Variants in MED13L observed in about 807,000 individuals in gnomAD.
The protein encoded by MED13L is mediator of RNA polymerase II transcription subunit 13-like.
In MED13L, 7 loss-of-function variants were observed where a neutral mutation model predicts 220.9. The observed-to-expected ratio is 0.03, with a 90% CI of 0.02 to 0.06. MED13L has a LOEUF of 0.06. MED13L is among the 10% of genes least tolerant of loss of function. MED13L has a pLI of 1.00. For synonymous variants in MED13L, 1,011 were observed against 1,015.2 expected (o/e 1.00, Z 0.08); for missense variants, 1,965 against 2,760.5 (o/e 0.71, Z 6.46).
chr12:116,210,621 A>G (rs1188427816), intron 2 of MED13L, among the ~76,000 whole-genome samples: 2 of 147,652 alleles, frequency 1.4e-5, no homozygotes, highest in African/African-American at 5.0e-5. Context: ...AAATCCAACC[A>G]CATGCCTTCG....
chr12:116,231,749 G>A (rs1869578075), intron 2 of MED13L, among the ~76,000 whole-genome samples: 1 of 152,146 alleles, frequency 6.6e-6, no homozygotes. Flanking sequence ...CTTAAATGCT[G>A]AAGTATTTAG....
At chr12:115,966,955 T>C (rs1876208214) in intron 28 of MED13L, among the ~76,000 whole-genome samples, 1 of 152,060 alleles carries the variant, frequency 6.6e-6, no homozygotes, top group Non-Finnish European at 1.5e-5. Flanking sequence ...ACAGATCACT[T>C]GAGGTCAGAA....
At chr12:115,979,836 T>C (rs1877201421) in intron 23 of MED13L, among the ~76,000 whole-genome samples, 1 of 152,240 alleles carries the variant, frequency 6.6e-6, no homozygotes, top group South Asian at 2.1e-4. Flanking sequence ...ATCTTCAAGA[T>C]AAGGTGATTA....
intron 2 of MED13L, among the ~76,000 whole-genome samples, chr12:116,205,319 G>A (rs1449732383): frequency 3.3e-5 from 5 of 151,800 alleles, no homozygotes; most frequent in Admixed American, 6.6e-5. Flanking sequence ...TTTTCAAGTC[G>A]TGTTTTTTTT....
At chr12:116,025,442 AT>A (rs764595111) in intron 4 of MED13L, among the ~76,000 whole-genome samples, 38 of 152,330 alleles carry the variant, frequency 2.5e-4, no homozygotes, top group Non-Finnish European at 5.1e-4. Context: ...TTGCTTATTC[AT>A]TATTATTCAC....
intron 2 of MED13L, among the ~76,000 whole-genome samples, chr12:116,198,538 T>C (rs981316573): frequency 2.0e-5 from 3 of 152,190 alleles, no homozygotes; most frequent in Admixed American, 6.5e-5. Flanking sequence ...TAGATGTGCC[T>C]CTTCACTGAG....
chr12:116,190,697 G>C (rs1051747449), intron 2 of MED13L, among the ~76,000 whole-genome samples: 1 of 152,068 alleles, frequency 6.6e-6, no homozygotes, highest in African/African-American at 2.4e-5. Context: ...TATAAATTGT[G>C]ATGTACAAGT....
chr12:116,197,583 A>G (rs746934252), intron 2 of MED13L, among the ~76,000 whole-genome samples: 49 of 152,226 alleles, frequency 3.2e-4, no homozygotes, highest in African/African-American at 1.2e-3. Context: ...CCTGACCAAC[A>G]TGGAGAAACT....
chr12:116,111,833 T>G (rs1320446704), intron 2 of MED13L, among the ~76,000 whole-genome samples: 1 of 152,170 alleles, frequency 6.6e-6, no homozygotes, highest in Non-Finnish European at 1.5e-5. Flanking sequence ...TATTTAAGAG[T>G]ATCGCAAAGA....
At chr12:116,230,586 C>T in intron 2 of MED13L, 1 of 591,398 alleles carries the variant, frequency 1.7e-6, no homozygotes, top group Non-Finnish European at 2.1e-6. Context: ...CCAATTCAGT[C>T]AGGGATTAAT....
intron 23 of MED13L, among the ~76,000 whole-genome samples, chr12:115,978,325 T>TC (rs1392135218): frequency 1.3e-5 from 2 of 149,920 alleles, no homozygotes; most frequent in African/African-American, 4.9e-5. Context: ...CAATTTTTTT[T>TC]CTTTTTTTTT....
Position 116,007,450 on chromosome 12 carries a change from G to C in MED13L, c.2199C>G (p.Cys733Trp). The C allele has an allele frequency of 6.2e-7, 1 of 1,613,696 alleles. No individual in the cohort carries two copies. The highest frequency in any genetic ancestry group is 8.5e-7 in the Non-Finnish European group (1 of 1,179,760). The change falls in exon 11 of 31, where the codon TGC (cysteine) becomes TGG (tryptophan). Residue 733 changes from cysteine to tryptophan, a missense_variant. Cys to Trp is a radical substitution (Grantham distance 215). Coordinates refer to ENST00000281928, the MANE Select transcript of MED13L (RefSeq NM_015335.5). ...GGGAATCTTTCTCCGTCCCTTGTTT[G>C]CATTTCTTGTTGGCTGTAAAGATGT... ...IKYIFTANKKCKQGTEKDSLK... is the reference protein window; with the variant it reads ...IKYIFTANKKWKQGTEKDSLK...
chr12:115,980,064 A>C (rs545517079), intron 23 of MED13L, among the ~76,000 whole-genome samples: 1 of 152,344 alleles, frequency 6.6e-6, no homozygotes, highest in South Asian at 2.1e-4. Context: ...CAGAGTAAAC[A>C]CAACTACAAC....
At chr12:116,016,721 G>T (rs1394008274) in intron 7 of MED13L, among the ~76,000 whole-genome samples, 2 of 152,146 alleles carry the variant, frequency 1.3e-5, no homozygotes, top group Non-Finnish European at 2.9e-5. Flanking sequence ...AATCTGAGTG[G>T]TATCTTAGAT....
intron 1 of MED13L, among the ~76,000 whole-genome samples, chr12:116,274,613 CA>C (rs5801172): frequency 2.2e-3 from 312 of 143,916 alleles, no homozygotes; most frequent in African/African-American, 6.3e-3. Context: ...ATAGCATTTT[CA>C]AAAAAAAAAA....
chr12:116,124,207 G>A (rs952949977), intron 2 of MED13L, among the ~76,000 whole-genome samples: 7 of 132,124 alleles, frequency 5.3e-5, no homozygotes, highest in Non-Finnish European at 1.2e-4. Context: ...ACTGACTACT[G>A]TGAAGACTTG....
At chr12:116,266,697 G>T (rs1238076119) in intron 1 of MED13L, among the ~76,000 whole-genome samples, 1 of 152,134 alleles carries the variant, frequency 6.6e-6, no homozygotes, top group East Asian at 1.9e-4. Flanking sequence ...AGCAAGAGAT[G>T]GGAGTTTTTT....
intron 1 of MED13L, among the ~76,000 whole-genome samples, chr12:116,256,513 C>T (rs375716716): frequency 6.6e-6 from 1 of 151,968 alleles, no homozygotes; most frequent in Non-Finnish European, 1.5e-5. Context: ...ATGTTCTCTA[C>T]TTTGATTTCA....
intron 2 of MED13L, among the ~76,000 whole-genome samples, chr12:116,235,424 A>G (rs1869988171): frequency 6.6e-6 from 1 of 152,210 alleles, no homozygotes; most frequent in African/African-American, 2.4e-5. Flanking sequence ...TTTAATTAGA[A>G]AATTAGAAAA....
Sources: gnomAD v4.1 joint callset for allele counts (sites outside exome capture counted in the v4.1 genomes callset) on GRCh38, gnomAD v4.1.1 for gene constraint, MANE v1.5 for transcripts, NCBI Gene and HGNC (gene_info 2026-07-23, HGNC 2026-07-21) for gene names.